RARS2: variants seen among roughly 807,000 people sequenced by gnomAD.
RARS2 encodes probable arginine--tRNA ligase, mitochondrial.
In RARS2, 67 loss-of-function variants were observed where a neutral mutation model predicts 88.5. The observed-to-expected ratio is 0.76, with a 90% confidence interval of 0.62 to 0.93. RARS2 has a LOEUF of 0.93. Among genes scored for constraint, RARS2 ranks in the 40% least tolerant of loss-of-function variants. The pLI, the probability that RARS2 is intolerant of heterozygous loss-of-function variation, is 0.00. For missense variants in RARS2, 664 were observed against 684.2 expected (o/e 0.97, Z 0.33); for synonymous variants, 239 against 230.3 (o/e 1.04, Z -0.34).
intron 6 of RARS2, among the ~76,000 whole-genome samples, chr6:87,547,523 G>A (rs1782940857): frequency 6.6e-6 from 1 of 152,062 alleles, no homozygotes; most frequent in Non-Finnish European, 1.5e-5. Flanking sequence ...TTTAATTTCA[G>A]TTTTTAAATT....
chr6:87,572,050 T>A (rs998847849), intron 1 of RARS2, among the ~76,000 whole-genome samples: 11 of 152,094 alleles, frequency 7.2e-5, no homozygotes, highest in Non-Finnish European at 1.3e-4. Flanking sequence ...TACGAAATGT[T>A]TCTAGAACAG....
Position 87,515,437 on chromosome 6 carries a change from G to T in RARS2, c.1587-417C>A, listed in dbSNP as rs368086518. ...CGGGAGGCTGAGGCAGGAGAATGGC[G>T]TGAACCCAGGAGGCAGAGCTTGCAG... On this transcript the variant is annotated intron_variant, in intron 18 of 19. Transcript: ENST00000369536. Among the ~76,000 whole-genome samples the T allele has an allele frequency of 1.2e-3, 178 of 151,218 alleles. 2 individuals are homozygous for T. Among genetic ancestry groups the T allele is most frequent in the Non-Finnish European group, 8.1e-4 (55 of 67,674 alleles).
intron 5 of RARS2, among the ~76,000 whole-genome samples, chr6:87,550,346 T>C (rs936159565): frequency 3.3e-5 from 5 of 152,292 alleles, no homozygotes; most frequent in Middle Eastern, 3.4e-3. Context: ...CTGCACCACA[T>C]TGCTGCCTTA....
chr6:87,530,822 G>A lies in RARS2; in HGVS notation c.733C>T (p.Arg245Trp), dbSNP rs1777270779. ...VQALSLWQKF[R>W]DLSIEEYIRV... Reference sequence around the variant, plus strand: ...ATGTACTCTTCAATGCTCAAGTCCCGAAATTTTTGCCACAGTGAAAGTGCT... The same window carrying A: ...ATGTACTCTTCAATGCTCAAGTCCCAAAATTTTTGCCACAGTGAAAGTGCT... Residue 245 changes from arginine (R) to tryptophan (W), a missense_variant, in exon 9 of 20, where the codon CGG becomes TGG. Transcript: ENST00000369536. 1.9e-6 allele frequency: 3 copies of A among 1,614,034 alleles called. No individual in the cohort carries two copies. Among genetic ancestry groups the A allele is most frequent in the Non-Finnish European group, 1.7e-6 (2 of 1,180,030 alleles).
At chr6:87,548,745 G>A in intron 5 of RARS2, 99 bp from the exon 6 acceptor site, 5 of 1,110,636 alleles carry the variant, frequency 4.5e-6, no homozygotes, top group Non-Finnish European at 6.6e-6. Context: ...TGTGGAGTAT[G>A]GCCTTTGGTA....
chr6:87,560,276 A>T (rs534108580), intron 4 of RARS2, among the ~76,000 whole-genome samples: 1 of 152,234 alleles, frequency 6.6e-6, no homozygotes, highest in African/African-American at 2.4e-5. Flanking sequence ...TGCAAAGTTT[A>T]ATTTGGCAAA....
At chr6:87,550,072 C>G (rs1368645766) in intron 5 of RARS2, among the ~76,000 whole-genome samples, 1 of 152,048 alleles carries the variant, frequency 6.6e-6, no homozygotes, top group Non-Finnish European at 1.5e-5. Flanking sequence ...AAACTTGATC[C>G]TATGGATATG....
At chr6:87,532,790 G>C (rs1281443017) in intron 8 of RARS2, among the ~76,000 whole-genome samples, 1 of 152,092 alleles carries the variant, frequency 6.6e-6, no homozygotes, top group East Asian at 1.9e-4. Flanking sequence ...ATCATAAAAA[G>C]GTGATGTTTA....
At chr6:87,563,042 C>T (rs2128170592) in intron 3 of RARS2, among the ~76,000 whole-genome samples, 1 of 152,214 alleles carries the variant, frequency 6.6e-6, no homozygotes, top group South Asian at 2.1e-4. Flanking sequence ...CCCTCAAATT[C>T]ACCTTGTAAC....
chr6:87,570,859 T>C (rs1054726716), intron 1 of RARS2, among the ~76,000 whole-genome samples: 4 of 152,172 alleles, frequency 2.6e-5, no homozygotes, highest in South Asian at 2.1e-4. Context: ...TCCTGAATTA[T>C]TCCTATCTGA....
intron 13 of RARS2, 152 bp from the exon 14 acceptor site, chr6:87,519,859 A>G (rs1294349386): frequency 2.2e-6 from 2 of 928,720 alleles, no homozygotes; most frequent in Non-Finnish European, 3.4e-6. Context: ...GTATGCTACA[A>G]AGGACGTTAA....
rs1783339791 is a variant in RARS2, at chr6:87,548,588, T to TA, written c.451+2dup. On this transcript the variant is annotated splice_region_variant and intron_variant, in intron 6 of 19. Coordinates refer to ENST00000369536, the MANE Select transcript of RARS2 (RefSeq NM_020320.5). ...AGCATTTTATGTGAAACTAAACACT[T>TA]ACCTATGATGGTAGAACGCAAATGT... 6.2e-7 allele frequency: 1 copy of TA among 1,612,162 alleles called. No homozygotes were observed. The highest frequency in any genetic ancestry group is 1.1e-5 in the South Asian group (1 of 90,912).
At chr6:87,568,743 GTTCTA>G (rs1420023692) in intron 2 of RARS2, among the ~76,000 whole-genome samples, 2 of 152,050 alleles carry the variant, frequency 1.3e-5, no homozygotes, top group African/African-American at 4.8e-5. Context: ...TTACTTCTTT[GTTCTA>G]TTCTGAGAAG....
At chr6:87,557,078 C>T (rs550558690) in intron 4 of RARS2, among the ~76,000 whole-genome samples, 5 of 152,104 alleles carry the variant, frequency 3.3e-5, no homozygotes, top group Non-Finnish European at 1.5e-5. Flanking sequence ...ACATAACAAT[C>T]GACATTTAAG....
intron 17 of RARS2, among the ~76,000 whole-genome samples, chr6:87,517,181 G>A (rs1772044995): frequency 6.6e-6 from 1 of 151,840 alleles, no homozygotes. Context: ...GGGAGGCTAA[G>A]GCAGAAGAAT....
intron 8 of RARS2, 45 bp from the exon 9 acceptor site, chr6:87,530,987 T>C: frequency 1.9e-6 from 3 of 1,610,952 alleles, no homozygotes; most frequent in South Asian, 1.1e-5. Flanking sequence ...AACAGGTCAT[T>C]GTTATCTCTA....
chr6:87,559,497 G>C (rs1301364722), intron 4 of RARS2, among the ~76,000 whole-genome samples: 1 of 146,670 alleles, frequency 6.8e-6, no homozygotes, highest in Non-Finnish European at 1.5e-5. Context: ...AAAAGAGACA[G>C]GGTCTTGCTG....
intron 8 of RARS2, among the ~76,000 whole-genome samples, chr6:87,540,306 A>G (rs987206176): frequency 6.6e-6 from 1 of 151,646 alleles, no homozygotes; most frequent in African/African-American, 2.4e-5. Context: ...AAAAAAAAAT[A>G]GCTGGGTGTG....
In RARS2 at chr6:87,525,731, G is replaced by A. The variant is rs185919857; in HGVS notation, c.879-1079C>T. ...CCAGTTAATTTTTGTGTTTTTAGTA[G>A]AGACAGGTTTTCACTATGTTGGCCA... On this transcript the variant is annotated intron_variant, in intron 10 of 19. Transcript: ENST00000369536. Among the ~76,000 whole-genome samples, 268 of 151,912 alleles carry A rather than the reference G, an allele frequency of 1.8e-3. 1 individual carries two copies. The Middle Eastern group carries it at 0.02, about 12-fold the overall frequency.
Sources: allele counts gnomAD v4.1 joint callset (sites outside exome capture counted in the v4.1 genomes callset), GRCh38; gene constraint gnomAD v4.1.1; transcripts MANE v1.5; gene names NCBI Gene and HGNC (gene_info 2026-07-23, HGNC 2026-07-21).